The following STK35 variants were observed in gnomAD, a reference collection of about 807,000 sequenced individuals.
STK35 encodes serine/threonine kinase 35, also known as serine/threonine-protein kinase 35.
STK35 carries 17 observed loss-of-function variants against 37.3 expected under a neutral mutation model. That is an observed-to-expected ratio of 0.46 (90% confidence interval 0.31 to 0.68). The LOEUF (loss-of-function observed/expected upper bound fraction) is 0.68. Among genes scored for constraint, STK35 ranks in the 30% least tolerant of loss-of-function variants. The pLI, the probability that STK35 is intolerant of heterozygous loss-of-function variation, is 0.05. For missense variants in STK35, 595 were observed against 746.7 expected (o/e 0.80, Z 2.37); for synonymous variants, 385 against 319.1 (o/e 1.21, Z -2.20).
intron 2 of STK35, among the ~76,000 whole-genome samples, chr20:2,111,097 A>G (rs1985608731): frequency 6.6e-6 from 1 of 152,030 alleles, no homozygotes; most frequent in South Asian, 2.1e-4. Flanking sequence ...TTTATCCTAA[A>G]CTTCTAAGAC....
chr20:2,122,061 G>A (rs573376564), intron 3 of STK35, among the ~76,000 whole-genome samples: 1 of 152,212 alleles, frequency 6.6e-6, no homozygotes, highest in African/African-American at 2.4e-5. Flanking sequence ...GCTGGGCGTG[G>A]TAGCTCATGC....
At chr20:2,122,149 C>T (rs1311424923) in intron 3 of STK35, among the ~76,000 whole-genome samples, 2 of 152,126 alleles carry the variant, frequency 1.3e-5, no homozygotes, top group Non-Finnish European at 2.9e-5. Flanking sequence ...GCCTGGGCAA[C>T]ATGGTGAAAC....
At chr20:2,141,778 A>C (rs1986176161) in intron 3 of STK35, among the ~76,000 whole-genome samples, 2 of 151,974 alleles carry the variant, frequency 1.3e-5, no homozygotes, top group Admixed American at 1.3e-4. Flanking sequence ...TTTTCCACCT[A>C]CCCCAGGGAA....
At chr20:2,109,724 A>G (rs572184484) in intron 2 of STK35, among the ~76,000 whole-genome samples, 12 of 152,344 alleles carry the variant, frequency 7.9e-5, no homozygotes, top group African/African-American at 2.6e-4. Flanking sequence ...GCACCATTCA[A>G]GGTGCTTTGT....
intron 3 of STK35, among the ~76,000 whole-genome samples, chr20:2,128,334 GCCTGTAAGGT>G (rs1254060238): frequency 1.3e-5 from 2 of 152,158 alleles, no homozygotes; most frequent in Non-Finnish European, 2.9e-5. Flanking sequence ...AATCGGGAGG[GCCTGTAAGGT>G]CCTGGCTTCT....
At chr20:2,128,281 C>T (rs561393505) in intron 3 of STK35, among the ~76,000 whole-genome samples, 1 of 152,276 alleles carries the variant, frequency 6.6e-6, no homozygotes, top group South Asian at 2.1e-4. Flanking sequence ...TTGCCCTCAC[C>T]TTTTACCCTT....
rs189080041 is a variant in STK35, at chr20:2,111,976, C to A, written c.893-4690C>A. Among the ~76,000 whole-genome samples, 114 of 152,304 alleles carry A rather than the reference C, an allele frequency of 7.5e-4. 3 individuals carry two copies. The East Asian group carries it at 0.019, about 26-fold the overall frequency. On this transcript the variant is annotated intron_variant, in intron 2 of 3. Transcript: ENST00000381482. ...CCAACTCTTCTGGCAGATCCGGGCCCGCTTCCTAGTTCTCACAGCTGTAGT... is the reference window on the plus strand; with the variant it reads ...CCAACTCTTCTGGCAGATCCGGGCCAGCTTCCTAGTTCTCACAGCTGTAGT...
rs761882240 is a variant in STK35 at position 2,117,378 on chromosome 20, A to G, written c.1605A>G (p.Ter535=). 3.1e-6 allele frequency: 5 copies of G among 1,594,002 alleles called. No individual in the cohort carries two copies. The East Asian group carries it at 1.1e-4, about 36-fold the overall frequency. ...TRMDQVTCAA[*] ...TGGACCAGGTCACATGTGCTGCTTA[A>G]AATTCAGGGCTAAGCATTTTGGGTG... Residue 535 remains the stop codon, a stop_retained_variant, in exon 3 of 4, where the codon TAA becomes TAG. Transcript: ENST00000381482. The surrounding 1 kb of genome is among the most constrained non-coding windows in gnomAD (Gnocchi z 4.4).
rs1405868214 is a variant in STK35, at chr20:2,143,873, C to T, written c.*127C>T. On this transcript the variant is annotated 3_prime_UTR_variant, in exon 4 of 4. Transcript: ENST00000381482. The stretch of plus-strand genomic sequence containing the variant: ...GTGGCCTGGCCGGTTGGCGATCTCC[C>T]GACAGCTGGATCCGGCAATGTGAAG... 3 of 448,826 alleles carry T rather than the reference C, an allele frequency of 6.7e-6. No individual in the cohort carries two copies. Among genetic ancestry groups the T allele is most frequent in the Admixed American group, 4.9e-5 (2 of 40,780 alleles). 27.8% of individuals were successfully genotyped at this position (448,826 alleles called of 1,614,324 possible).
intron 3 of STK35, among the ~76,000 whole-genome samples, chr20:2,139,185 C>T (rs556737267): frequency 6.6e-6 from 1 of 152,290 alleles, no homozygotes; most frequent in African/African-American, 2.4e-5. Context: ...CAGCCCCATC[C>T]TGCTGTGCAT....
At chr20:2,138,229 A>G (rs115837096) in intron 3 of STK35, among the ~76,000 whole-genome samples, 1,621 of 152,274 alleles carry the variant, frequency 0.011, 32 homozygotes, top group African/African-American at 0.037. Context: ...GAGTATGCCA[A>G]TGGGATGACT....
At chr20:2,126,874 A>C (rs908029562) in intron 3 of STK35, among the ~76,000 whole-genome samples, 1 of 152,142 alleles carries the variant, frequency 6.6e-6, no homozygotes, top group Non-Finnish European at 1.5e-5. Context: ...TCAGAACTCT[A>C]TATTTTGTTT....
At chr20:2,141,107 G>T (rs1468048254) in intron 3 of STK35, among the ~76,000 whole-genome samples, 1 of 152,156 alleles carries the variant, frequency 6.6e-6, no homozygotes, top group East Asian at 1.9e-4. Context: ...AGATGGTGAG[G>T]GCCTACCCTA....
intron 3 of STK35, among the ~76,000 whole-genome samples, chr20:2,123,744 A>G (rs559500380): frequency 1.1e-4 from 16 of 152,300 alleles, no homozygotes; most frequent in African/African-American, 3.6e-4. Flanking sequence ...GTTTTAGGTG[A>G]GAAGTTGGGA....
Position 2,103,064 on chromosome 20 carries a change from C to T in STK35, c.591C>T (p.Ser197=), listed in dbSNP as rs566309610. The change falls in exon 2 of 4, where the codon TCC becomes TCT. Residue 197 remains serine, a synonymous_variant. Coordinates refer to ENST00000381482, the MANE Select transcript of STK35 (RefSeq NM_080836.4). ...ARRRPEGGGG[S]ARPRYSLLAE... Reference sequence around the variant, plus strand: ...GACGGCCTGAGGGCGGTGGCGGGTCCGCGCGGCCGCGTTACAGCCTGTTGG... The same window carrying T: ...GACGGCCTGAGGGCGGTGGCGGGTCTGCGCGGCCGCGTTACAGCCTGTTGG... 5.8e-5 allele frequency: 92 copies of T among 1,574,190 alleles called. No individual in the cohort carries two copies. The African/African-American group carries it at 9.2e-4, about 16-fold the overall frequency.
intron 3 of STK35, among the ~76,000 whole-genome samples, chr20:2,131,689 T>A (rs1264084988): frequency 3.3e-5 from 5 of 152,216 alleles, no homozygotes; most frequent in South Asian, 2.1e-4. Flanking sequence ...TTAAAATTTT[T>A]AAAAAATTTC....
At chr20:2,111,820 T>C (rs1405197942) in intron 2 of STK35, among the ~76,000 whole-genome samples, 1 of 152,218 alleles carries the variant, frequency 6.6e-6, no homozygotes, top group Non-Finnish European at 1.5e-5. Context: ...CTTCTGTGAT[T>C]ATCCAGACTA....
intron 3 of STK35, among the ~76,000 whole-genome samples, chr20:2,140,731 C>T (rs1986159637): frequency 6.6e-6 from 1 of 152,116 alleles, no homozygotes; most frequent in African/African-American, 2.4e-5. Context: ...CAGGGAGGAG[C>T]CTTTGGGAAA....
intron 3 of STK35, among the ~76,000 whole-genome samples, chr20:2,127,544 C>T (rs1269698652): frequency 1.3e-5 from 2 of 152,158 alleles, no homozygotes; most frequent in Non-Finnish European, 2.9e-5. Flanking sequence ...TTATACCACA[C>T]CCCAGACAAA....
Sources: allele counts gnomAD v4.1 joint callset (sites outside exome capture counted in the v4.1 genomes callset), GRCh38; gene constraint gnomAD v4.1.1; non-coding constraint Gnocchi (gnomAD v3.1); transcripts MANE v1.5; gene names NCBI Gene and HGNC (gene_info 2026-07-23, HGNC 2026-07-21).